GRIN2A: variants seen among roughly 807,000 people sequenced by gnomAD.
The protein encoded by GRIN2A is glutamate ionotropic receptor NMDA type subunit 2A.
Under a neutral mutation model 113.4 loss-of-function variants are expected in GRIN2A, and 22 were observed. That is an observed-to-expected ratio of 0.19 (90% CI 0.14 to 0.28). The LOEUF is 0.28. Among genes scored for constraint, GRIN2A ranks in the 10% least tolerant of loss-of-function variants. The pLI is 1.00. For missense variants in GRIN2A, 1,502 were observed against 1,887.0 expected, an observed-to-expected ratio of 0.80 and a Z score of 3.78; for synonymous variants, 827 against 738.4, an observed-to-expected ratio of 1.12 and a Z score of -1.94.
chr16:10,137,773 G>T (rs1462689712), intron 2 of GRIN2A, among the ~76,000 whole-genome samples: 1 of 152,194 alleles, frequency 6.6e-6, no homozygotes, highest in Non-Finnish European at 1.5e-5. Context: ...GAGAGAGTGT[G>T]ACATGCTTAG....
At chr16:9,870,951 A>T (rs544710181) in intron 4 of GRIN2A, among the ~76,000 whole-genome samples, 26 of 152,046 alleles carry the variant, frequency 1.7e-4, no homozygotes, top group African/African-American at 4.8e-4. Context: ...GTAACTTTCA[A>T]ATTTAAGGAC....
chr16:10,044,899 T>A (rs2047232374), intron 2 of GRIN2A, among the ~76,000 whole-genome samples: 1 of 152,248 alleles, frequency 6.6e-6, no homozygotes, highest in African/African-American at 2.4e-5. Context: ...TGTAGATAAA[T>A]GTGTGACAAC....
intron 2 of GRIN2A, among the ~76,000 whole-genome samples, chr16:10,135,010 C>G (rs1478976962): frequency 6.6e-6 from 1 of 152,198 alleles, no homozygotes; most frequent in Non-Finnish European, 1.5e-5. Context: ...ATTTTAGCAT[C>G]TTTTGCAATC....
intron 11 of GRIN2A, among the ~76,000 whole-genome samples, chr16:9,789,768 T>G (rs1342749353): frequency 6.6e-6 from 1 of 152,212 alleles, no homozygotes; most frequent in African/African-American, 2.4e-5. Flanking sequence ...CTATTCATGC[T>G]AATGACATTG....
chr16:9,983,023 G>A (rs371184754), intron 2 of GRIN2A, among the ~76,000 whole-genome samples: 2 of 152,062 alleles, frequency 1.3e-5, no homozygotes, highest in African/African-American at 4.8e-5. Context: ...TATGGGGTAC[G>A]GTGTGATACT....
At position 10,159,369 on chromosome 16, in the gene GRIN2A, C is replaced by T. The variant is rs377000427; in HGVS notation, c.414+20629G>A. On this transcript the variant is annotated intron_variant, in intron 2 of 12. Coordinates refer to ENST00000330684, the MANE Select transcript of GRIN2A (RefSeq NM_001134407.3). ...ATGTCAAGGAGAGAAGCCCACCAAG[C>T]ACCTAGGGGAACAGGTCAGGAACCC... is the stretch of plus-strand genomic sequence containing the variant. Among the ~76,000 whole-genome samples the T allele has an allele frequency of 1.2e-4, 19 of 152,308 alleles. No individual in the cohort carries two copies. The South Asian group carries it at 3.7e-3, about 30-fold the overall frequency.
intron 2 of GRIN2A, among the ~76,000 whole-genome samples, chr16:10,008,438 A>T (rs886933329): frequency 6.6e-6 from 1 of 152,206 alleles, no homozygotes; most frequent in Non-Finnish European, 1.5e-5. Context: ...TCACTCCCCT[A>T]CTGCTGTTGT....
chr16:9,841,293 A>C (rs1204860220), intron 5 of GRIN2A, among the ~76,000 whole-genome samples, 189 bp from the exon 6 acceptor site: 1 of 152,224 alleles, frequency 6.6e-6, no homozygotes, highest in Non-Finnish European at 1.5e-5. Context: ...AGCAGTTATC[A>C]TGACAAGAAC....
chr16:9,847,285 A>C, intron 5 of GRIN2A, among the ~76,000 whole-genome samples: 1 of 152,154 alleles, frequency 6.6e-6, no homozygotes, highest in South Asian at 2.1e-4. Context: ...AGCCGGACAC[A>C]GTGGCTCACA....
At chr16:9,901,728 G>C (rs2043929638) in intron 3 of GRIN2A, among the ~76,000 whole-genome samples, 1 of 152,114 alleles carries the variant, frequency 6.6e-6, no homozygotes, top group Non-Finnish European at 1.5e-5. Context: ...TGGGATTACA[G>C]GCATGAGCCA....
chr16:10,141,447 C>T (rs749494932), intron 2 of GRIN2A, among the ~76,000 whole-genome samples: 3 of 151,788 alleles, frequency 2.0e-5, no homozygotes, highest in Non-Finnish European at 4.4e-5. Context: ...GAGATCATGC[C>T]GCTGCACTCC....
At chr16:9,773,815 C>T (rs35267164) in intron 11 of GRIN2A, among the ~76,000 whole-genome samples, 16 of 152,184 alleles carry the variant, frequency 1.1e-4, no homozygotes, top group Non-Finnish European at 1.6e-4. Flanking sequence ...TCTGCACCAT[C>T]GTGAGGAAAG....
rs537898512 is a variant in GRIN2A, at chr16:10,058,923, A to G, written c.415-120372T>C. On this transcript the variant is annotated intron_variant, in intron 2 of 12. Coordinates refer to ENST00000330684, the MANE Select transcript of GRIN2A (RefSeq NM_001134407.3). The stretch of plus-strand genomic sequence containing the variant: ...AAACAAGATAGTTATAGGCTGTGAT[A>G]ACAATAGATTGTGAAAAAGAATCAA... Among the ~76,000 whole-genome samples the G allele has an allele frequency of 2.0e-5, 3 of 152,370 alleles. No individual in the cohort carries two copies. The East Asian group carries it at 5.8e-4, about 29-fold the overall frequency.
At chr16:9,805,066 C>G (rs188735062) in intron 10 of GRIN2A, among the ~76,000 whole-genome samples, 1 of 151,960 alleles carries the variant, frequency 6.6e-6, no homozygotes, top group Admixed American at 6.5e-5. Flanking sequence ...CAGTGGGTCT[C>G]TCTTATACCT....
chr16:9,930,219 C>T (rs1200464885), intron 3 of GRIN2A, among the ~76,000 whole-genome samples: 2 of 152,168 alleles, frequency 1.3e-5, no homozygotes, highest in Admixed American at 6.5e-5. Flanking sequence ...GGAGAATTAA[C>T]ACCTGTAGAG....
chr16:9,884,604 A>G (rs2043552328), intron 4 of GRIN2A, among the ~76,000 whole-genome samples: 1 of 152,108 alleles, frequency 6.6e-6, no homozygotes, highest in Non-Finnish European at 1.5e-5. Context: ...TAAAATGGTA[A>G]CCAGAATTAT....
At chr16:9,955,372 TCTTC>T (rs1567198497) in intron 2 of GRIN2A, among the ~76,000 whole-genome samples, 1 of 152,148 alleles carries the variant, frequency 6.6e-6, no homozygotes, top group Non-Finnish European at 1.5e-5. Context: ...CAACTCCTAT[TCTTC>T]CTTCATTCAT....
chr16:9,806,763 GA>G (rs1271714816), intron 10 of GRIN2A, among the ~76,000 whole-genome samples: 2 of 151,730 alleles, frequency 1.3e-5, no homozygotes, highest in Non-Finnish European at 2.9e-5. Flanking sequence ...GAAACTAAGA[GA>G]AAAAAGGGGG....
rs754310115 is a variant in GRIN2A, at chr16:9,878,485, G to T, written c.1122+12501C>A. The stretch of plus-strand genomic sequence containing the variant: ...CCTTTTAGATATGAGAAAATGCAGA[G>T]AATGTTGGGAGACTGAAACAAGATT... On this transcript the variant is annotated intron_variant, in intron 4 of 12. Coordinates refer to ENST00000330684, the MANE Select transcript of GRIN2A (RefSeq NM_001134407.3). Among the ~76,000 whole-genome samples, 4 of 152,126 alleles carry T rather than the reference G, an allele frequency of 2.6e-5. No individual in the cohort carries two copies. The South Asian group carries it at 8.3e-4, about 32-fold the overall frequency.
Sources: gnomAD v4.1 joint callset for allele counts (sites outside exome capture counted in the v4.1 genomes callset) on GRCh38, gnomAD v4.1.1 for gene constraint, MANE v1.5 for transcripts, NCBI Gene and HGNC (gene_info 2026-07-23, HGNC 2026-07-21) for gene names.